The following DCC variants were observed in gnomAD, a reference collection of about 807,000 sequenced individuals.
DCC encodes DCC netrin 1 receptor, also known as netrin receptor DCC.
A neutral mutation model predicts 172.5 loss-of-function variants in DCC; 58 were observed. That is an observed-to-expected ratio of 0.34 (90% CI 0.27 to 0.42). The LOEUF is 0.42. DCC is among the 10% of genes least tolerant of loss of function. The probability of loss-of-function intolerance (pLI) is 1.00; values close to 1 mark genes in which losing one functional copy is unlikely to be tolerated. For missense variants in DCC, 1,740 were observed against 1,791.0 expected (o/e 0.97, Z 0.51); for synonymous variants, 709 against 644.5 (o/e 1.10, Z -1.52).
In DCC at chr18:52,775,140, C is replaced by T. The variant is rs560659822; in HGVS notation, c.412+22766C>T. 3.6e-4 allele frequency among the ~76,000 whole-genome samples: 55 copies of T among 151,964 alleles called. No individual in the cohort carries two copies. In the South Asian group the frequency reaches 0.011, roughly 32 times the overall value. On this transcript the variant is annotated intron_variant, in intron 2 of 28. Coordinates refer to ENST00000442544, the MANE Select transcript of DCC (RefSeq NM_005215.4). ...CACCTTCCAGGATCCTGGGTGAGGC[C>T]CCAGTTGAAACGGGAAAGGTTCGCC...
At chr18:53,237,049 CTATTT>C (rs2056213974) in intron 12 of DCC, 1 of 151,678 alleles carries the variant, frequency 6.6e-6, no homozygotes, top group African/African-American at 2.4e-5. Flanking sequence ...TGGAATGTAA[CTATTT>C]ATATATGTTT....
intron 2 of DCC, among the ~76,000 whole-genome samples, chr18:52,859,374 A>G (rs924844808): frequency 5.9e-5 from 9 of 152,192 alleles, no homozygotes; most frequent in African/African-American, 1.7e-4. Flanking sequence ...AAAGGCATAC[A>G]TATTTATGAA....
intron 7 of DCC, among the ~76,000 whole-genome samples, chr18:53,125,499 A>G (rs966318140): frequency 1.4e-4 from 22 of 152,048 alleles, no homozygotes; most frequent in Admixed American, 6.6e-5. Context: ...TCATTTTCTT[A>G]GCAACTTTTT....
chr18:52,752,509 T>A, intron 2 of DCC, 135 bp downstream of exon 2: 1 of 723,810 alleles, frequency 1.4e-6, no homozygotes. Flanking sequence ...GACAAGTAAT[T>A]ATATATTTTT....
chr18:53,011,682 T>A (rs2041733091), intron 5 of DCC, among the ~76,000 whole-genome samples: 1 of 151,794 alleles, frequency 6.6e-6, no homozygotes, highest in Admixed American at 6.6e-5. Flanking sequence ...TAATTTGAAT[T>A]CATAGGGATT....
Position 53,363,908 on chromosome 18 carries a change from T to A in DCC, c.2360-22135T>A, listed in dbSNP as rs57469493. Among the ~76,000 whole-genome samples the A allele has an allele frequency of 1.8e-3, 281 of 152,214 alleles. 2 individuals carry two copies. Among genetic ancestry groups the A allele is most frequent in the African/African-American group, 6.4e-3 (266 of 41,546 alleles). On this transcript the variant is annotated intron_variant, in intron 15 of 28. Coordinates refer to ENST00000442544, the MANE Select transcript of DCC (RefSeq NM_005215.4). ...ACTAAGGTTTGAATATTACTATCCA[T>A]GAGATACATACCAGAGGTGCAAAAA...
chr18:52,993,038 G>T (rs528039750), intron 5 of DCC, among the ~76,000 whole-genome samples: 2 of 151,732 alleles, frequency 1.3e-5, no homozygotes, highest in South Asian at 4.2e-4. Flanking sequence ...CTTCAGCATG[G>T]TGCAATATCT....
chr18:52,964,816 C>T (rs2145575323), intron 5 of DCC, among the ~76,000 whole-genome samples: 1 of 152,288 alleles, frequency 6.6e-6, no homozygotes, highest in South Asian at 2.1e-4. Flanking sequence ...TTGCAGAAAT[C>T]AGCGCGTTGG....
intron 1 of DCC, among the ~76,000 whole-genome samples, chr18:52,346,319 C>A (rs1396579959): frequency 1.3e-5 from 2 of 152,164 alleles, no homozygotes; most frequent in Admixed American, 1.3e-4. Flanking sequence ...TAGTAACACA[C>A]TTTTTCTTTC....
intron 1 of DCC, among the ~76,000 whole-genome samples, chr18:52,421,618 G>A (rs1987251390): frequency 6.6e-6 from 1 of 152,172 alleles, no homozygotes. Context: ...CTTCCACGGA[G>A]CATAGGGAAT....
intron 1 of DCC, among the ~76,000 whole-genome samples, chr18:52,367,497 C>A (rs1047299717): frequency 4.6e-5 from 7 of 152,332 alleles, no homozygotes; most frequent in Non-Finnish European, 7.4e-5. Flanking sequence ...ATCTCCTCTT[C>A]AGAAGGACAC....
At position 52,606,672 on chromosome 18, in the gene DCC, G is replaced by T. The variant is rs2034137585; in HGVS notation, c.92-145382G>T. 2.6e-5 allele frequency among the ~76,000 whole-genome samples: 4 copies of T among 152,244 alleles called. No individual in the cohort carries two copies. The South Asian group carries it at 8.3e-4, about 32-fold the overall frequency. ...GATGGAGGGGTGGAAAGAGAATTTA[G>T]ATATTTAATACTTGATATCAATCAT... On this transcript the variant is annotated intron_variant, in intron 1 of 28. Transcript: ENST00000442544.
chr18:53,380,286 A>G (rs903952274), intron 15 of DCC, among the ~76,000 whole-genome samples: 6 of 152,188 alleles, frequency 3.9e-5, no homozygotes, highest in African/African-American at 1.2e-4. Context: ...GTGGTAAATT[A>G]CACCCTTCTT....
At chr18:52,851,016 C>T (rs77445869) in intron 2 of DCC, among the ~76,000 whole-genome samples, 4,076 of 151,958 alleles carry the variant, frequency 0.027, 160 homozygotes, top group African/African-American at 0.09. Flanking sequence ...AACAATTAAA[C>T]GGTATTTGTA....
chr18:53,093,914 C>A lies in DCC; in HGVS notation c.1261+27748C>A, dbSNP rs79253341. ...GCCAGATGAAAGAGTCTGCTTAACT[C>A]CTGTTTCCTGGCTGTTTCCTTGGCA... On this transcript the variant is annotated intron_variant, in intron 7 of 28. Coordinates refer to ENST00000442544, the MANE Select transcript of DCC (RefSeq NM_005215.4). Among the ~76,000 whole-genome samples the A allele has an allele frequency of 3.0e-3, 463 of 152,286 alleles. 4 individuals are homozygous for A. The highest frequency in any genetic ancestry group is 5.7e-3 in the Non-Finnish European group (386 of 68,030).
intron 1 of DCC, among the ~76,000 whole-genome samples, chr18:52,700,186 GCA>G (rs530238939): frequency 7.8e-4 from 111 of 141,782 alleles, no homozygotes; most frequent in Non-Finnish European, 1.4e-3. Context: ...ACATGCACAC[GCA>G]CACACACGCA....
In DCC at chr18:52,417,904, G is replaced by A. The variant is rs139046456; in HGVS notation, c.91+77026G>A. 8.3e-3 allele frequency among the ~76,000 whole-genome samples: 1,245 copies of A among 150,404 alleles called. 12 individuals are homozygous for A. Among genetic ancestry groups the A allele is most frequent in the African/African-American group, 0.028 (1,161 of 41,256 alleles). On this transcript the variant is annotated intron_variant, in intron 1 of 28. Coordinates refer to ENST00000442544, the MANE Select transcript of DCC (RefSeq NM_005215.4). Reference sequence around the variant, plus strand: ...GTCATTCTCCGTCCAGCTTTGTTCCGTTGCTGGTGAGGAACTGCGTTCCTT... The same window carrying A: ...GTCATTCTCCGTCCAGCTTTGTTCCATTGCTGGTGAGGAACTGCGTTCCTT...
At chr18:53,504,376 C>CAGAT (rs1172417167) in intron 27 of DCC, among the ~76,000 whole-genome samples, 3 of 152,092 alleles carry the variant, frequency 2.0e-5, no homozygotes, top group African/African-American at 4.8e-5. Flanking sequence ...AAAGGCCAGT[C>CAGAT]AGATAGAATA....
chr18:53,427,662 A>G (rs1408138093), intron 21 of DCC, among the ~76,000 whole-genome samples: 1 of 150,690 alleles, frequency 6.6e-6, no homozygotes, highest in Non-Finnish European at 1.5e-5. Flanking sequence ...TCCTGTTAAC[A>G]AAAGATCTTG....
Sources: gnomAD v4.1 joint callset for allele counts (sites outside exome capture counted in the v4.1 genomes callset) on GRCh38, gnomAD v4.1.1 for gene constraint, MANE v1.5 for transcripts, NCBI Gene and HGNC (gene_info 2026-07-23, HGNC 2026-07-21) for gene names.